The following FLT4 variants were observed in gnomAD, a reference collection of about 807,000 sequenced individuals.
The protein encoded by FLT4 is fms related receptor tyrosine kinase 4, also known as vascular endothelial growth factor receptor 3.
Under a neutral mutation model 163.2 loss-of-function variants are expected in FLT4, and 30 were observed. The observed-to-expected ratio is 0.18, with a 90% confidence interval of 0.14 to 0.25. FLT4 has a LOEUF of 0.25. FLT4 is among the 10% of genes least tolerant of loss of function. FLT4 has a pLI of 1.00. For missense variants in FLT4, 1,510 were observed against 1,863.8 expected, an observed-to-expected ratio of 0.81 and a Z score of 3.50; for synonymous variants, 884 against 789.5, an observed-to-expected ratio of 1.12 and a Z score of -2.01.
At position 180,619,121 on chromosome 5, in the gene FLT4, C is replaced by A; in HGVS notation, c.2762-12G>T. 2.7e-6 allele frequency: 4 copies of A among 1,501,822 alleles called. No homozygotes were observed. Among genetic ancestry groups the A allele is most frequent in the Non-Finnish European group, 3.6e-6 (4 of 1,125,238 alleles). The allele number at this position is 1,501,822 out of a possible 1,614,324, so 93.0% of individuals were successfully genotyped here. ...CACCATGAGGGGGCCTGCGGCGGGA[C>A]CGGGCGGCGGCCGTGCGTTCGGAAC... On this transcript the variant is annotated splice_polypyrimidine_tract_variant and intron_variant, in intron 19 of 29. Transcript: ENST00000261937.
In FLT4 at chr5:180,630,864, C is replaced by G. The variant is rs1011243485; in HGVS notation, c.156-65G>C. The G allele has an allele frequency of 1.3e-6, 2 of 1,519,292 alleles. No homozygotes were observed. Among genetic ancestry groups the G allele is most frequent in the Admixed American group, 3.9e-5 (2 of 50,720 alleles). 94.1% of individuals were successfully genotyped at this position (1,519,292 alleles called of 1,614,324 possible). ...GCCCATGGGGACTGTCCCTGAGAAG[C>G]CTCCCTCAGGCCGAGCCTCACCAGG... On this transcript the variant is annotated intron_variant, in intron 2 of 29. Transcript: ENST00000261937. This position sits in a 1 kb window ranked among gnomAD's most constrained non-coding sequence, Gnocchi z 6.3.
intron 10 of FLT4, 117 bp from the exon 11 acceptor site, chr5:180,624,178 G>C (rs891153950): frequency 7.2e-6 from 9 of 1,247,434 alleles, no homozygotes; most frequent in African/African-American, 1.5e-5. Flanking sequence ...GGTCGTGGGC[G>C]AGGCTGGCCC....
At chr5:180,609,340 A>C in intron 28 of FLT4, 1 of 522,474 alleles carries the variant, frequency 1.9e-6, no homozygotes, top group South Asian at 2.2e-5. Flanking sequence ...TGTGAAGAGC[A>C]GGAGCCGTGG....
At chr5:180,612,229 G>C (rs1236865688) in intron 26 of FLT4, among the ~76,000 whole-genome samples, 2 of 152,094 alleles carry the variant, frequency 1.3e-5, no homozygotes, top group Non-Finnish European at 1.5e-5. Context: ...CTCACAGGCC[G>C]GGGGGGACCA....
chr5:180,628,718 A>G (rs1763839133), intron 8 of FLT4, among the ~76,000 whole-genome samples, 164 bp downstream of exon 8: 1 of 152,108 alleles, frequency 6.6e-6, no homozygotes, highest in Non-Finnish European at 1.5e-5. Context: ...ATATCACATT[A>G]TGGGCGGGTT....
At chr5:180,619,527 C>T (rs752574339) in intron 18 of FLT4, 138 bp downstream of exon 18, 57 of 979,096 alleles carry the variant, frequency 5.8e-5, no homozygotes, top group Non-Finnish European at 9.1e-5. Context: ...GCTCTGAAGC[C>T]CGCAGCCTCC....
chr5:180,613,724 G>T (rs72817001), intron 24 of FLT4: 17,529 of 414,646 alleles, frequency 0.042, 509 homozygotes, highest in East Asian at 0.095. Context: ...CTCGCAGCGG[G>T]GCCTGAGTTC....
chr5:180,629,422 C>A lies in FLT4; in HGVS notation c.822G>T (p.Glu274Asp). Residue 274 changes from glutamate (E) to aspartate (D), a missense_variant, in exon 7 of 30, where the codon GAG (glutamate) becomes GAT (aspartate). Physicochemically the swap from Glu to Asp is conservative, Grantham distance 45. Around this residue, in one of 5 missense-constraint regions of FLT4, gnomAD observed 163 missense variants for 281.1 expected, o/e 0.58. Coordinates refer to ENST00000261937, the MANE Select transcript of FLT4 (RefSeq NM_182925.5). ...GTCGCTCGGGCACCCACTTACCCCG[C>A]TCTGCCTGCCCGCACCCAGGGAAGC... is the stretch of plus-strand genomic sequence containing the variant. The part of the protein sequence containing the change: ...FDWDYPGKQA[E>D]RGKWVPERRS... 2 of 1,610,974 alleles carry A rather than the reference C, an allele frequency of 1.2e-6. No individual in the cohort carries two copies. Among genetic ancestry groups the A allele is most frequent in the Non-Finnish European group, 1.7e-6 (2 of 1,179,958 alleles).
chr5:180,640,523 C>T (rs1765024964), intron 1 of FLT4, among the ~76,000 whole-genome samples: 1 of 152,262 alleles, frequency 6.6e-6, no homozygotes, highest in Non-Finnish European at 1.5e-5. Flanking sequence ...GGGCCCTGTG[C>T]CCCAGTGGCC....
In FLT4 at chr5:180,612,561, G is replaced by A. The variant is rs1479792146; in HGVS notation, c.3482C>T (p.Ala1161Val). ...CWSGDPKARP[A>V]FSELVEILGD... is the part of the protein sequence containing the mutation. ...CAGGATCTCCACCAGCTCCGAGAAT[G>A]CAGGTCTCGCCTTGGGGTCTCCGGA... The change falls in exon 26 of 30, where the codon GCA becomes GTA. Residue 1161 changes from alanine (A) to valine (V), a missense_variant. By Grantham distance (64) the Ala-to-Val change is moderately conservative. This residue lies in a region of FLT4 where 295 missense variants were observed against 311.0 expected (regional missense o/e 0.95). Transcript: ENST00000261937. 6.2e-7 allele frequency: 1 copy of A among 1,614,072 alleles called. No individual in the cohort carries two copies. The highest frequency in any genetic ancestry group is 1.3e-5 in the African/African-American group (1 of 75,040).
intron 8 of FLT4, 83 bp downstream of exon 8, chr5:180,628,799 G>A (rs1480017771): frequency 6.3e-5 from 61 of 975,152 alleles, no homozygotes; most frequent in Non-Finnish European, 8.8e-5. Flanking sequence ...CGGGGAGGAC[G>A]CTGCCCGTCT....
intron 22 of FLT4, 57 bp from the exon 23 acceptor site, chr5:180,616,546 C>T (rs1302936093): frequency 1.2e-6 from 2 of 1,602,386 alleles, no homozygotes; most frequent in East Asian, 4.5e-5. Flanking sequence ...GGGTAATACC[C>T]ACACCCGAAA....
chr5:180,618,238 A>AGTAAATACTGTTG (rs2127805257), intron 21 of FLT4, among the ~76,000 whole-genome samples: 1 of 82,058 alleles, frequency 1.2e-5, no homozygotes. Flanking sequence ...CTCCCAGAGC[A>AGTAAATACTGTTG]CCCTCTCCTG....
In FLT4 at chr5:180,625,952, C is replaced by A. The variant is rs374035711; in HGVS notation, c.1338G>T (p.Thr446=). Residue 446 remains threonine, a synonymous_variant, in exon 10 of 30, where the codon ACG becomes ACT. Coordinates refer to ENST00000261937, the MANE Select transcript of FLT4 (RefSeq NM_182925.5). ...TGAGAGGCAGGGGCACCCCGTAGGCCGTGCAGGTGAGGGCCTGGCGGCTGT... is the reference window on the plus strand; with the variant it reads ...TGAGAGGCAGGGGCACCCCGTAGGCAGTGCAGGTGAGGGCCTGGCGGCTGT... ...SRHSRQALTC[T]AYGVPLPLSI... 1.2e-6 allele frequency: 2 copies of A among 1,612,628 alleles called. No homozygotes were observed. The highest frequency in any genetic ancestry group is 2.7e-5 in the African/African-American group (2 of 74,910).
intron 10 of FLT4, among the ~76,000 whole-genome samples, chr5:180,625,044 C>T (rs1164364112): frequency 6.6e-6 from 1 of 152,212 alleles, no homozygotes; most frequent in African/African-American, 2.4e-5. Context: ...CGGCTCATGC[C>T]ACCCCTACTG....
rs975928904 is a variant in FLT4 at position 180,623,787 on chromosome 5, C to T, written c.1548+148G>A. ...CTGACCTTTCTGCAGGCAGGGTGGC[C>T]GAGGCCTACAGACTGCAGGAAGGTC... On this transcript the variant is annotated intron_variant, in intron 11 of 29. Coordinates refer to ENST00000261937, the MANE Select transcript of FLT4 (RefSeq NM_182925.5). The surrounding 1 kb of genome is among the most constrained non-coding windows in gnomAD (Gnocchi z 5.8). 2.0e-5 allele frequency: 19 copies of T among 963,998 alleles called. No homozygotes were observed. The highest frequency in any genetic ancestry group is 2.1e-4 in the Middle Eastern group (1 of 4,674). 59.7% of individuals were successfully genotyped at this position (963,998 alleles called of 1,614,324 possible). A position where few individuals can be genotyped will look rare whatever the true frequency, so the allele number is the denominator to read the frequency against.
Position 180,623,962 on chromosome 5 carries a change from C to T in FLT4, c.1521G>A (p.Trp507Ter). The T allele has an allele frequency of 6.2e-7, 1 of 1,613,666 alleles. No individual in the cohort carries two copies. The highest frequency in any genetic ancestry group is 8.5e-7 in the Non-Finnish European group (1 of 1,180,006). Residue 507 changes from tryptophan (W) to a stop codon, truncating the protein, a stop_gained, in exon 11 of 30, where the codon TGG becomes TGA. Transcript: ENST00000261937. LOFTEE classifies it high-confidence loss of function. The surrounding 1 kb of genome is among the most constrained non-coding windows in gnomAD (Gnocchi z 5.8). ...TATTCTTTCCCTCCACAAACTCGGT[C>T]CAGGTGTCCAGGCTCTCGATGGGGT... ...AVNPIESLDT[W>*]TEFVEGKNKT...
chr5:180,635,852 G>T (rs1402570058), intron 1 of FLT4, among the ~76,000 whole-genome samples: 1 of 145,254 alleles, frequency 6.9e-6, no homozygotes, highest in African/African-American at 2.6e-5. Flanking sequence ...TGCATGGATG[G>T]AAGTATGGGT....
intron 8 of FLT4, among the ~76,000 whole-genome samples, chr5:180,627,097 G>A (rs2127829820): frequency 6.6e-6 from 1 of 152,162 alleles, no homozygotes; most frequent in South Asian, 2.1e-4. Context: ...CCCAGAGGGT[G>A]TGCTGGGGCC....
Sources: gnomAD v4.1 joint callset for allele counts (sites outside exome capture counted in the v4.1 genomes callset) on GRCh38, gnomAD v4.1.1 for gene constraint, gnomAD v4.1.1 regional missense constraint, Gnocchi (gnomAD v3.1) non-coding constraint, MANE v1.5 for transcripts, NCBI Gene and HGNC (gene_info 2026-07-23, HGNC 2026-07-21) for gene names.